ERG: variants seen among roughly 807,000 people sequenced by gnomAD.
ERG encodes the protein transcriptional regulator ERG.
ERG carries 9 observed loss-of-function variants against 55.3 expected under a neutral mutation model. That is an observed-to-expected ratio of 0.16 (90% CI 0.10 to 0.28). The LOEUF is 0.28. Ranked by LOEUF, ERG falls within the 10% of genes least tolerant of loss-of-function variation. The pLI is 1.00. For synonymous variants in ERG, 223 were observed against 237.3 expected, an observed-to-expected ratio of 0.94 and a Z score of 0.55; for missense variants, 434 against 631.6, an observed-to-expected ratio of 0.69 and a Z score of 3.35.
intron 2 of ERG, among the ~76,000 whole-genome samples, chr21:38,546,327 A>C (rs1324669473): frequency 1.3e-5 from 2 of 152,102 alleles, no homozygotes; most frequent in African/African-American, 4.8e-5. Context: ...TTACTGTCAA[A>C]CACAAAGCCA....
chr21:38,520,889 A>G (rs2059589444), intron 2 of ERG, among the ~76,000 whole-genome samples: 2 of 152,222 alleles, frequency 1.3e-5, no homozygotes, highest in African/African-American at 2.4e-5. Context: ...TTTGTACTTT[A>G]TATCAGACGT....
At chr21:38,474,066 C>T (rs1040263245) in intron 1 of ERG, 1 of 152,088 alleles carries the variant, frequency 6.6e-6, no homozygotes, top group Non-Finnish European at 1.5e-5. Context: ...CCAGAAACAG[C>T]AATGAGATCT....
intron 1 of ERG, among the ~76,000 whole-genome samples, chr21:38,605,716 C>G (rs1253478154): frequency 6.6e-6 from 1 of 152,182 alleles, no homozygotes; most frequent in Non-Finnish European, 1.5e-5. Context: ...AGACTGGAAC[C>G]TTTCCTAGCA....
chr21:38,617,226 C>T (rs1234521340), intron 1 of ERG, among the ~76,000 whole-genome samples: 1 of 152,180 alleles, frequency 6.6e-6, no homozygotes, highest in Non-Finnish European at 1.5e-5. Flanking sequence ...AATATGACTT[C>T]AATTTTTAAC....
intron 1 of ERG, among the ~76,000 whole-genome samples, chr21:38,643,247 C>T (rs61189207): frequency 0.22 from 32,986 of 152,102 alleles, 3,722 homozygotes; most frequent in Middle Eastern, 0.26. Flanking sequence ...TACCAGAGCA[C>T]GCAGGAAATC....
chr21:38,649,551 C>T (rs1198352666), intron 1 of ERG, among the ~76,000 whole-genome samples: 3 of 152,200 alleles, frequency 2.0e-5, no homozygotes, highest in South Asian at 4.1e-4. Flanking sequence ...GTTCACTGAA[C>T]GTAACCTCAA....
At chr21:38,441,969 C>T (rs989633495) in intron 2 of ERG, among the ~76,000 whole-genome samples, 9 of 152,332 alleles carry the variant, frequency 5.9e-5, no homozygotes, top group South Asian at 2.1e-4. Context: ...GGTCTTCACT[C>T]GGTATCCACC....
At chr21:38,496,396 C>T (rs544718139) in intron 1 of ERG, among the ~76,000 whole-genome samples, 7 of 152,278 alleles carry the variant, frequency 4.6e-5, no homozygotes, top group Admixed American at 2.6e-4. Context: ...TTGGGCTTTG[C>T]GCTAACGTAA....
intron 2 of ERG, among the ~76,000 whole-genome samples, chr21:38,553,526 G>A (rs961227845): frequency 1.4e-4 from 22 of 152,094 alleles, no homozygotes; most frequent in African/African-American, 5.1e-4. Flanking sequence ...CAGAAGTAAT[G>A]TCACACATCT....
At chr21:38,485,710 G>C (rs866446628) in intron 1 of ERG, among the ~76,000 whole-genome samples, 1 of 150,792 alleles carries the variant, frequency 6.6e-6, no homozygotes, top group South Asian at 2.1e-4. Context: ...CGCCCACCTC[G>C]GCCTCCCAAA....
chr21:38,367,606 T>G, the ERG span: 1 of 521,806 alleles, frequency 1.9e-6, no homozygotes. Context: ...CACTGTCACA[T>G]CTGCTATATT....
chr21:38,575,566 G>A, intron 2 of ERG: 1 of 880,650 alleles, frequency 1.1e-6, no homozygotes, highest in Non-Finnish European at 1.9e-6. Context: ...GGGCTGTGTT[G>A]ACTGACCCCT....
intron 1 of ERG, among the ~76,000 whole-genome samples, chr21:38,577,404 T>C (rs1340031301): frequency 6.6e-6 from 1 of 152,174 alleles, no homozygotes; most frequent in Non-Finnish European, 1.5e-5. Context: ...GCATTTTTTT[T>C]CTATAACCAA....
chr21:38,527,497 C>T (rs1022621103), intron 2 of ERG, among the ~76,000 whole-genome samples: 6 of 152,170 alleles, frequency 3.9e-5, no homozygotes, highest in East Asian at 1.9e-4. Flanking sequence ...GATTCCTGAG[C>T]GGATCAATTT....
chr21:38,400,765 C>T (rs1303248202), intron 5 of ERG, 120 bp from the exon 6 acceptor site: 5 of 682,892 alleles, frequency 7.3e-6, no homozygotes, highest in Non-Finnish European at 1.3e-5. Flanking sequence ...CTCAAACCTG[C>T]CTTAACAGAG....
At chr21:38,573,568 G>A (rs1341980701) in intron 2 of ERG, among the ~76,000 whole-genome samples, 15 of 152,296 alleles carry the variant, frequency 9.8e-5, no homozygotes, top group Admixed American at 7.2e-4. Context: ...TGCACATCCA[G>A]GCATAGTACC....
chr21:38,367,756 A>G, the ERG span: 1 of 436,320 alleles, frequency 2.3e-6, no homozygotes, highest in South Asian at 1.8e-5. Flanking sequence ...CATCAACAAT[A>G]ACTAACCAAC....
chr21:38,433,875 G>A (rs2836391), intron 2 of ERG, among the ~76,000 whole-genome samples: 29,914 of 152,100 alleles, frequency 0.2, 3,122 homozygotes, highest in South Asian at 0.3. Flanking sequence ...TAATCCTGTC[G>A]AAAATCTACC....
At chr21:38,485,541 C>T (rs925685753) in intron 1 of ERG, among the ~76,000 whole-genome samples, 4 of 147,566 alleles carry the variant, frequency 2.7e-5, no homozygotes, top group African/African-American at 7.4e-5. Context: ...CTCACTGCAA[C>T]CTCCAACTCC....
Sources: gnomAD v4.1 joint callset for allele counts (sites outside exome capture counted in the v4.1 genomes callset) on GRCh38, gnomAD v4.1.1 for gene constraint, MANE v1.5 for transcripts, NCBI Gene and HGNC (gene_info 2026-07-23, HGNC 2026-07-21) for gene names.